ROBO2: variants seen among roughly 807,000 people sequenced by gnomAD.
The protein encoded by ROBO2 is roundabout guidance receptor 2, also known as roundabout homolog 2.
In ROBO2, 53 loss-of-function variants were observed where a neutral mutation model predicts 160.8. That is an observed-to-expected ratio of 0.33 (90% confidence interval 0.26 to 0.41). The LOEUF is 0.41. Among genes scored for constraint, ROBO2 ranks in the 10% least tolerant of loss-of-function variants. ROBO2 has a pLI of 1.00. For missense variants in ROBO2, 1,577 were observed against 1,722.4 expected, an observed-to-expected ratio of 0.92 and a Z score of 1.49; for synonymous variants, 664 against 611.7, an observed-to-expected ratio of 1.09 and a Z score of -1.26.
At chr3:77,368,255 A>ATT (rs5850326) in intron 2 of ROBO2, among the ~76,000 whole-genome samples, 21 of 151,982 alleles carry the variant, frequency 1.4e-4, no homozygotes, top group South Asian at 6.2e-4. Context: ...AAATACATTC[A>ATT]TTTTTTTGTT....
intron 9 of ROBO2, among the ~76,000 whole-genome samples, chr3:77,559,243 G>A (rs1022896626): frequency 2.0e-5 from 3 of 152,080 alleles, no homozygotes; most frequent in Non-Finnish European, 4.4e-5. Flanking sequence ...TGGCCAGAAG[G>A]GAACCAACAG....
intron 2 of ROBO2, among the ~76,000 whole-genome samples, chr3:76,893,293 T>G (rs561822842): frequency 1.4e-5 from 2 of 146,832 alleles, no homozygotes; most frequent in East Asian, 4.0e-4. Context: ...AAAAAACAAA[T>G]TTAGAACTTT....
At chr3:76,517,492 C>A (rs1008616797) in intron 2 of ROBO2, among the ~76,000 whole-genome samples, 6 of 152,142 alleles carry the variant, frequency 3.9e-5, no homozygotes, top group South Asian at 2.1e-4. Context: ...AGTTAAGTGA[C>A]TTTTCCAGCG....
At chr3:76,312,699 A>G (rs544957512) in intron 2 of ROBO2, among the ~76,000 whole-genome samples, 12 of 152,302 alleles carry the variant, frequency 7.9e-5, no homozygotes, top group African/African-American at 2.4e-4. Context: ...TTAGCGATGT[A>G]TGGTGTTATT....
intron 2 of ROBO2, among the ~76,000 whole-genome samples, chr3:76,861,943 A>T (rs2070824495): frequency 2.6e-5 from 4 of 152,140 alleles, no homozygotes; most frequent in African/African-American, 9.7e-5. Flanking sequence ...ATTTTATTTT[A>T]TATATTCTCA....
intron 2 of ROBO2, among the ~76,000 whole-genome samples, chr3:77,196,703 A>G (rs1015142409): frequency 6.6e-6 from 1 of 151,976 alleles, no homozygotes; most frequent in African/African-American, 2.4e-5. Context: ...TATTATTTTA[A>G]TTTGCATTAA....
rs908854575 is a variant in ROBO2, at chr3:76,434,776, C to T, written c.109+497174C>T. 45 of 1,262,810 alleles carry T rather than the reference C, an allele frequency of 3.6e-5. 1 individual carries two copies. The highest frequency in any genetic ancestry group is 1.9e-4 in the African/African-American group (13 of 67,944). The allele number at this position is 1,262,810 out of a possible 1,614,324, so 78.2% of individuals were successfully genotyped here. A position where few individuals can be genotyped will look rare whatever the true frequency, so the allele number is the denominator to read the frequency against. On this transcript the variant is annotated intron_variant, in intron 2 of 26. Coordinates refer to the ROBO2 transcript ENST00000487694. ...TCCGCTTCCTGCTCAGCCCTGTTTG[C>T]GCAGATTAATCAGGGGGAGAGCATC...
intron 2 of ROBO2, among the ~76,000 whole-genome samples, chr3:77,189,900 G>A (rs2081659789): frequency 6.6e-6 from 1 of 151,806 alleles, no homozygotes; most frequent in South Asian, 2.1e-4. Flanking sequence ...AGATTAAGGA[G>A]TTCAAGGTTT....
intron 2 of ROBO2, among the ~76,000 whole-genome samples, chr3:76,464,808 C>T (rs1009607390): frequency 2.0e-5 from 3 of 152,066 alleles, no homozygotes; most frequent in Non-Finnish European, 4.4e-5. Flanking sequence ...ATACACAAAT[C>T]CTTATGTTCA....
intron 2 of ROBO2, among the ~76,000 whole-genome samples, chr3:75,969,301 GATTTCAGTTCCTTTGGGT>G (rs1197725155): frequency 3.3e-5 from 5 of 151,156 alleles, no homozygotes; most frequent in African/African-American, 4.8e-5. Context: ...TTCGTATACT[GATTTCAGTTCCTTTGGGT>G]ATATACCCAG....
At chr3:77,382,640 A>G (rs772018025) in intron 2 of ROBO2, among the ~76,000 whole-genome samples, 15 of 152,062 alleles carry the variant, frequency 9.9e-5, no homozygotes, top group Non-Finnish European at 2.2e-4. Flanking sequence ...CCCATAGCTT[A>G]CCTCCCACTT....
intron 2 of ROBO2, among the ~76,000 whole-genome samples, chr3:75,985,420 A>G (rs939720133): frequency 4.0e-5 from 6 of 151,640 alleles, no homozygotes; most frequent in Non-Finnish European, 7.4e-5. Flanking sequence ...ATTATAGACA[A>G]TTGTAAGACA....
At chr3:76,237,479 C>G (rs1047930407) in intron 2 of ROBO2, among the ~76,000 whole-genome samples, 3 of 152,124 alleles carry the variant, frequency 2.0e-5, no homozygotes, top group African/African-American at 7.2e-5. Context: ...ATGTTGGACT[C>G]AGTAGAATGT....
intron 2 of ROBO2, among the ~76,000 whole-genome samples, chr3:76,150,012 AACAG>A (rs1413622686): frequency 6.7e-6 from 1 of 149,934 alleles, no homozygotes; most frequent in Non-Finnish European, 1.5e-5. Context: ...ATCTGTCTAA[AACAG>A]ACATCTGTCT....
chr3:77,426,638 A>G (rs1266852691), intron 2 of ROBO2, among the ~76,000 whole-genome samples: 1 of 122,154 alleles, frequency 8.2e-6, no homozygotes, highest in East Asian at 2.5e-4. Context: ...GTGTGTGCAT[A>G]AAACCTAAGG....
intron 2 of ROBO2, among the ~76,000 whole-genome samples, chr3:77,362,038 G>A (rs1473934619): frequency 1.3e-5 from 2 of 152,048 alleles, no homozygotes; most frequent in African/African-American, 4.8e-5. Flanking sequence ...CAAATACATG[G>A]TAAACTGTAA....
chr3:77,324,739 G>C (rs368143178), intron 2 of ROBO2, among the ~76,000 whole-genome samples: 2 of 144,086 alleles, frequency 1.4e-5, no homozygotes, highest in African/African-American at 5.1e-5. Context: ...CCGAGATCGC[G>C]CCACTGCACT....
chr3:76,311,928 A>G (rs1021007366), intron 2 of ROBO2, among the ~76,000 whole-genome samples: 1 of 152,230 alleles, frequency 6.6e-6, no homozygotes, highest in Non-Finnish European at 1.5e-5. Flanking sequence ...AATCTGCTGA[A>G]TGAGAAAAAG....
intron 2 of ROBO2, among the ~76,000 whole-genome samples, chr3:76,394,110 C>T (rs978716650): frequency 6.6e-6 from 1 of 152,102 alleles, no homozygotes; most frequent in Non-Finnish European, 1.5e-5. Flanking sequence ...TTAATTGTAG[C>T]ATTTCGTCCA....
Sources: allele counts gnomAD v4.1 joint callset (sites outside exome capture counted in the v4.1 genomes callset), GRCh38; gene constraint gnomAD v4.1.1; transcripts MANE v1.5; gene names NCBI Gene and HGNC (gene_info 2026-07-23, HGNC 2026-07-21).